Variants in CACNB2 observed in about 807,000 individuals in gnomAD.
CACNB2 encodes the protein calcium voltage-gated channel auxiliary subunit beta 2, also known as voltage-dependent L-type calcium channel subunit beta-2.
Under a neutral mutation model 73.3 loss-of-function variants are expected in CACNB2, and 42 were observed. That is an observed-to-expected ratio of 0.57 (90% CI 0.45 to 0.74). CACNB2 has a LOEUF of 0.74. Ranked by LOEUF, CACNB2 falls within the 30% of genes least tolerant of loss-of-function variation. The pLI, the probability that CACNB2 is intolerant of heterozygous loss-of-function variation, is 0.00. For missense variants in CACNB2, 940 were observed against 853.0 expected (o/e 1.10, Z -1.27); for synonymous variants, 348 against 310.3 (o/e 1.12, Z -1.28).
At chr10:18,519,543 C>A (rs551362888) in intron 9 of CACNB2, among the ~76,000 whole-genome samples, 19 of 152,284 alleles carry the variant, frequency 1.2e-4, no homozygotes, top group Admixed American at 6.5e-4. Context: ...AGATCTCATT[C>A]CCCATCCCCT....
intron 2 of CACNB2, among the ~76,000 whole-genome samples, chr10:18,308,402 G>A (rs540586502): frequency 1.6e-4 from 24 of 152,216 alleles, no homozygotes; most frequent in East Asian, 1.4e-3. Context: ...GATTATTTCC[G>A]TCATCCACGT....
intron 2 of CACNB2, among the ~76,000 whole-genome samples, chr10:18,274,377 G>C (rs1465427444): frequency 6.6e-6 from 1 of 152,070 alleles, no homozygotes; most frequent in Non-Finnish European, 1.5e-5. Context: ...GTGACTTAAG[G>C]TTGTGCAAGA....
chr10:18,467,837 C>T (rs2047980702), intron 3 of CACNB2, among the ~76,000 whole-genome samples: 2 of 152,180 alleles, frequency 1.3e-5, no homozygotes, highest in Admixed American at 1.3e-4. Flanking sequence ...TGCTAAAGTA[C>T]TCACAATGCA....
chr10:18,357,612 G>A (rs529995796), intron 2 of CACNB2, among the ~76,000 whole-genome samples: 2 of 152,302 alleles, frequency 1.3e-5, no homozygotes, highest in Admixed American at 6.5e-5. Context: ...GGAAAATTCA[G>A]TATATTTTAC....
At chr10:18,355,383 G>A (rs531047003) in intron 2 of CACNB2, among the ~76,000 whole-genome samples, 6 of 152,186 alleles carry the variant, frequency 3.9e-5, no homozygotes, top group East Asian at 1.9e-4. Flanking sequence ...AAAATGTATC[G>A]TCGTTTTTTT....
chr10:18,202,194 C>T (rs1331740858), intron 2 of CACNB2, among the ~76,000 whole-genome samples: 2 of 152,096 alleles, frequency 1.3e-5, no homozygotes, highest in Non-Finnish European at 2.9e-5. Flanking sequence ...GCTGACAACA[C>T]ACAAAAAGAG....
chr10:18,229,342 C>G (rs2036137786), intron 2 of CACNB2, among the ~76,000 whole-genome samples: 1 of 152,114 alleles, frequency 6.6e-6, no homozygotes, highest in Admixed American at 6.5e-5. Context: ...AAGTTCAAAA[C>G]TTTAGTTGTA....
intron 2 of CACNB2, among the ~76,000 whole-genome samples, chr10:18,335,057 A>T (rs2040947506): frequency 6.6e-6 from 1 of 152,156 alleles, no homozygotes; most frequent in Non-Finnish European, 1.5e-5. Flanking sequence ...CCATAATATG[A>T]CTATACATTT....
Position 18,539,666 on chromosome 10 carries a change from T to C in CACNB2, c.1925T>C (p.Ile642Thr), listed in dbSNP as rs1554843232. ...DRYCEKDGEV[I>T]SKKRNEAGEW... The stretch of plus-strand genomic sequence containing the variant: ...TACTGTGAAAAGGATGGAGAAGTGA[T>C]ATCAAAAAAACGGAATGAGGCTGGG... Residue 642 changes from isoleucine (I) to threonine (T), a missense_variant, in exon 14 of 14, where the codon ATA (isoleucine) becomes ACA (threonine). By Grantham distance (89) the Ile-to-Thr change is moderately conservative. Transcript: ENST00000324631. 7.4e-6 allele frequency: 12 copies of C among 1,611,836 alleles called. No homozygotes were observed. Among genetic ancestry groups the C allele is most frequent in the Non-Finnish European group, 9.3e-6 (11 of 1,179,584 alleles).
intron 2 of CACNB2, among the ~76,000 whole-genome samples, chr10:18,180,544 C>G (rs2131207083): frequency 6.6e-6 from 1 of 151,840 alleles, no homozygotes; most frequent in East Asian, 2.0e-4. Flanking sequence ...TCTTCACTGT[C>G]TTCATCTGCA....
At chr10:18,261,908 G>T (rs762048674) in intron 2 of CACNB2, 1 of 518,012 alleles carries the variant, frequency 1.9e-6, no homozygotes, top group Non-Finnish European at 3.9e-6. Context: ...TACAAGGCAG[G>T]CTCACACAAA....
intron 2 of CACNB2, among the ~76,000 whole-genome samples, chr10:18,227,279 G>T (rs186783523): frequency 6.6e-6 from 1 of 152,204 alleles, no homozygotes; most frequent in Admixed American, 6.5e-5. Flanking sequence ...GCATAGCTGT[G>T]ATCCAGAAGC....
At chr10:18,483,662 TTGCAG>T (rs2048909295) in intron 3 of CACNB2, among the ~76,000 whole-genome samples, 1 of 152,202 alleles carries the variant, frequency 6.6e-6, no homozygotes, top group Non-Finnish European at 1.5e-5. Context: ...ACCGCAGCTG[TTGCAG>T]TGGAGAAGAA....
chr10:18,519,582 T>C (rs553895772), intron 9 of CACNB2: 1 of 399,206 alleles, frequency 2.5e-6, no homozygotes, highest in East Asian at 7.1e-5. Context: ...TACAGAGCCG[T>C]AATCATCCTT....
chr10:18,352,828 T>A (rs1026630046), intron 2 of CACNB2, among the ~76,000 whole-genome samples: 2 of 152,170 alleles, frequency 1.3e-5, no homozygotes, highest in Admixed American at 6.5e-5. Context: ...TCTGGGCAAA[T>A]GAAGGAACAT....
At chr10:18,483,972 G>C (rs12243784) in intron 3 of CACNB2, among the ~76,000 whole-genome samples, 6,935 of 152,232 alleles carry the variant, frequency 0.046, 256 homozygotes, top group African/African-American at 0.11. Context: ...CAGTGTTCAG[G>C]GTACTGTGAA....
At chr10:18,236,954 A>G (rs2036469085) in intron 2 of CACNB2, among the ~76,000 whole-genome samples, 2 of 152,204 alleles carry the variant, frequency 1.3e-5, no homozygotes, top group African/African-American at 2.4e-5. Context: ...GCAGAGAATT[A>G]TGTTCATTCA....
intron 3 of CACNB2, among the ~76,000 whole-genome samples, chr10:18,406,410 C>G (rs1266055351): frequency 6.6e-6 from 1 of 152,200 alleles, no homozygotes; most frequent in African/African-American, 2.4e-5. Context: ...GAAGCTTCAT[C>G]TATATTTACA....
intron 3 of CACNB2, among the ~76,000 whole-genome samples, chr10:18,472,575 C>G (rs2048250587): frequency 6.6e-6 from 1 of 152,090 alleles, no homozygotes; most frequent in African/African-American, 2.4e-5. Context: ...TACCTTGGTT[C>G]CATGATAAAA....
Sources: allele counts gnomAD v4.1 joint callset (sites outside exome capture counted in the v4.1 genomes callset), GRCh38; gene constraint gnomAD v4.1.1; transcripts MANE v1.5; gene names NCBI Gene and HGNC (gene_info 2026-07-23, HGNC 2026-07-21).